WDR27: variants seen among roughly 807,000 people sequenced by gnomAD.
The protein encoded by WDR27 is WD repeat domain 27, also known as WD repeat-containing protein 27.
A neutral mutation model predicts 114.4 loss-of-function variants in WDR27; 100 were observed. That is an observed-to-expected ratio of 0.87 (90% CI 0.74 to 1.03). The LOEUF (loss-of-function observed/expected upper bound fraction) is 1.03. Among genes scored for constraint, WDR27 ranks in the 50% least tolerant of loss-of-function variants. The pLI is 0.00. For missense variants in WDR27, 1,129 were observed against 1,092.9 expected (o/e 1.03, Z -0.47); for synonymous variants, 449 against 423.1 (o/e 1.06, Z -0.75).
At chr6:169,630,907 A>AATCC (rs1816177260) in intron 21 of WDR27, among the ~76,000 whole-genome samples, 1 of 151,682 alleles carries the variant, frequency 6.6e-6, no homozygotes, top group South Asian at 2.1e-4. Flanking sequence ...TCAATCAATC[A>AATCC]ATCAATAAGG....
chr6:169,621,388 A>G (rs889806810), intron 21 of WDR27, among the ~76,000 whole-genome samples: 1 of 151,112 alleles, frequency 6.6e-6, no homozygotes, highest in Non-Finnish European at 1.5e-5. Context: ...AGACATACGC[A>G]CACACATGCA....
intron 1 of WDR27, among the ~76,000 whole-genome samples, chr6:169,699,132 G>C (rs139676152): frequency 1.2e-3 from 183 of 152,272 alleles, no homozygotes; most frequent in African/African-American, 4.3e-3. Flanking sequence ...GGAAATTATT[G>C]CAAAGAATAC....
chr6:169,442,180 G>A, the WDR27 span, among the ~76,000 whole-genome samples: 5 of 152,210 alleles, frequency 3.3e-5, no homozygotes, highest in Non-Finnish European at 5.9e-5. Context: ...TTTTCTCAGT[G>A]TTGTGTTTGG....
At chr6:169,580,096 T>C (rs1244984958) in intron 24 of WDR27, among the ~76,000 whole-genome samples, 1 of 152,254 alleles carries the variant, frequency 6.6e-6, no homozygotes, top group African/African-American at 2.4e-5. Flanking sequence ...CTGTTGGTGT[T>C]TGTGGCACAG....
At chr6:169,548,748 A>G (rs1041353139) in intron 25 of WDR27, among the ~76,000 whole-genome samples, 5 of 152,222 alleles carry the variant, frequency 3.3e-5, no homozygotes, top group African/African-American at 1.2e-4. Context: ...ATAGACCCAC[A>G]TAAATACAGC....
At chr6:169,645,393 A>G (rs962253790) in intron 16 of WDR27, among the ~76,000 whole-genome samples, 1 of 151,994 alleles carries the variant, frequency 6.6e-6, no homozygotes, top group Non-Finnish European at 1.5e-5. Flanking sequence ...CAGGAGTCCC[A>G]CTGTAGAAAA....
chr6:169,478,619 G>A (rs1268852581), intron 25 of WDR27, among the ~76,000 whole-genome samples: 1 of 150,888 alleles, frequency 6.6e-6, no homozygotes, highest in East Asian at 1.9e-4. Context: ...CCACAACAAA[G>A]CAATCTTAAA....
intron 22 of WDR27, among the ~76,000 whole-genome samples, chr6:169,613,000 G>A (rs1810947546): frequency 6.6e-6 from 1 of 152,158 alleles, no homozygotes; most frequent in Admixed American, 6.5e-5. Context: ...TAAAAGATCT[G>A]TAAATATTTT....
At chr6:169,518,813 C>T (rs942949060) in intron 25 of WDR27, among the ~76,000 whole-genome samples, 1 of 152,222 alleles carries the variant, frequency 6.6e-6, no homozygotes, top group Non-Finnish European at 1.5e-5. Flanking sequence ...ATTTTCCAAA[C>T]TTATATGCTC....
At chr6:169,507,288 A>G (rs1792124031) in intron 25 of WDR27, among the ~76,000 whole-genome samples, 1 of 152,092 alleles carries the variant, frequency 6.6e-6, no homozygotes, top group Non-Finnish European at 1.5e-5. Context: ...TGAGGTGGGG[A>G]AAGAAAGAAG....
intron 23 of WDR27, among the ~76,000 whole-genome samples, chr6:169,589,488 T>C (rs966381328): frequency 6.6e-6 from 1 of 152,096 alleles, no homozygotes; most frequent in Admixed American, 6.6e-5. Flanking sequence ...AAACACACAC[T>C]GAATGACATA....
chr6:169,680,679 T>C (rs1283710552), intron 2 of WDR27, among the ~76,000 whole-genome samples: 6 of 152,192 alleles, frequency 3.9e-5, no homozygotes, highest in Non-Finnish European at 8.8e-5. Context: ...GTTTGTAGCA[T>C]ATGCAAAAGT....
intron 25 of WDR27, among the ~76,000 whole-genome samples, chr6:169,552,973 G>GGTGTGT (rs3975497): frequency 0.03 from 1,855 of 61,710 alleles, 212 homozygotes; most frequent in Middle Eastern, 0.036. Context: ...GGGCCTGCCC[G>GGTGTGT]GTGTGTGTGT....
At chr6:169,571,945 C>T (rs1028062782) in intron 25 of WDR27, among the ~76,000 whole-genome samples, 2 of 152,116 alleles carry the variant, frequency 1.3e-5, no homozygotes, top group Non-Finnish European at 2.9e-5. Context: ...TCAGAAATAA[C>T]CCAGATATTG....
At chr6:169,488,258 C>T (rs1213409399) in intron 25 of WDR27, among the ~76,000 whole-genome samples, 1 of 152,198 alleles carries the variant, frequency 6.6e-6, no homozygotes, top group Non-Finnish European at 1.5e-5. Flanking sequence ...GCGTGGTTGC[C>T]GCTGTTGCTG....
chr6:169,452,166 G>A, the WDR27 span, among the ~76,000 whole-genome samples: 1 of 152,232 alleles, frequency 6.6e-6, no homozygotes, highest in African/African-American at 2.4e-5. Flanking sequence ...AGATAAGTCA[G>A]TAAGGCCCCA....
chr6:169,658,173 T>C (rs946264529), intron 13 of WDR27, 103 bp downstream of exon 13: 2 of 873,034 alleles, frequency 2.3e-6, no homozygotes, highest in African/African-American at 1.7e-5. Flanking sequence ...AAGTACGGAA[T>C]GCATATTTTA....
chr6:169,660,780 A>T lies in WDR27; in HGVS notation c.1026-14T>A. On this transcript the variant is annotated splice_polypyrimidine_tract_variant and intron_variant, in intron 9 of 25. Transcript: ENST00000448612. ...TCAGAAGAAAGACTGATTTAAGGAA[A>T]AAAAGAAAAGAATACACAATAATCT... 1.9e-6 allele frequency: 3 copies of T among 1,609,414 alleles called. No individual in the cohort carries two copies. The highest frequency in any genetic ancestry group is 1.7e-4 in the Middle Eastern group (1 of 6,058).
intron 25 of WDR27, among the ~76,000 whole-genome samples, chr6:169,565,381 C>A (rs1800300435): frequency 1.3e-5 from 2 of 152,176 alleles, no homozygotes; most frequent in South Asian, 4.1e-4. Flanking sequence ...GAAATCCAGA[C>A]TGTATTTCAG....
Sources: allele counts gnomAD v4.1 joint callset (sites outside exome capture counted in the v4.1 genomes callset), GRCh38; gene constraint gnomAD v4.1.1; transcripts MANE v1.5; gene names NCBI Gene and HGNC (gene_info 2026-07-23, HGNC 2026-07-21).